DOCK4: variants seen among roughly 807,000 people sequenced by gnomAD.
DOCK4 encodes dedicator of cytokinesis 4.
In DOCK4, 97 loss-of-function variants were observed where a neutral mutation model predicts 268.1. The ratio of observed to expected loss-of-function variants is 0.36; its 90% CI spans 0.31 to 0.43. The LOEUF (loss-of-function observed/expected upper bound fraction) is 0.43. Among genes scored for constraint, DOCK4 ranks in the 20% least tolerant of loss-of-function variants. DOCK4 has a pLI of 1.00. For missense variants in DOCK4, 2,145 were observed against 2,455.7 expected, an observed-to-expected ratio of 0.87 and a Z score of 2.67; for synonymous variants, 954 against 887.2, an observed-to-expected ratio of 1.08 and a Z score of -1.34.
rs1246680208 is a variant in DOCK4 at position 111,823,310 on chromosome 7, C to T, written c.2836-854G>A. Among the ~76,000 whole-genome samples, 4 of 150,108 alleles carry T rather than the reference C, an allele frequency of 2.7e-5. No homozygotes were observed. In the East Asian group the frequency reaches 7.8e-4, roughly 29 times the overall value. On this transcript the variant is annotated intron_variant, in intron 26 of 52. Coordinates refer to ENST00000428084, the MANE Select transcript of DOCK4 (RefSeq NM_001363540.2). ...CAACCTCCACCTCCCGGGTTCAAGC[C>T]ATTCTCCTGCCTCAGCCTCCCGAGT...
At chr7:112,109,504 G>A (rs969263655) in intron 1 of DOCK4, among the ~76,000 whole-genome samples, 3 of 152,180 alleles carry the variant, frequency 2.0e-5, no homozygotes, top group Non-Finnish European at 4.4e-5. Context: ...TCACATAAAT[G>A]CAACTAGCTT....
intron 1 of DOCK4, among the ~76,000 whole-genome samples, chr7:112,199,966 C>G (rs1014447444): frequency 3.3e-5 from 5 of 152,180 alleles, no homozygotes; most frequent in Non-Finnish European, 4.4e-5. Flanking sequence ...CAGACTTTGA[C>G]TTAGACTGAA....
intron 7 of DOCK4, 68 bp downstream of exon 7, chr7:111,984,238 G>C: frequency 7.4e-7 from 1 of 1,354,768 alleles, no homozygotes; most frequent in African/African-American, 1.5e-5. Flanking sequence ...AATCAAGCAA[G>C]TATGAGGAGT....
chr7:112,160,230 C>G (rs973682459), intron 1 of DOCK4, among the ~76,000 whole-genome samples: 6 of 152,110 alleles, frequency 3.9e-5, no homozygotes, highest in Admixed American at 1.3e-4. Context: ...AACAGAGGCT[C>G]CTGCTTTACC....
chr7:111,739,080 A>G, intron 49 of DOCK4, 54 bp downstream of exon 49: 5 of 1,487,436 alleles, frequency 3.4e-6, no homozygotes, highest in Non-Finnish European at 4.7e-6. Flanking sequence ...AGAGATAGGT[A>G]AGCAATTCCA....
At chr7:112,196,641 C>T (rs1820473155) in intron 1 of DOCK4, among the ~76,000 whole-genome samples, 1 of 152,114 alleles carries the variant, frequency 6.6e-6, no homozygotes, top group African/African-American at 2.4e-5. Context: ...AAGCTGGTGA[C>T]AGAGAGTGGG....
At chr7:111,780,956 G>T (rs957618765) in intron 35 of DOCK4, among the ~76,000 whole-genome samples, 1 of 152,004 alleles carries the variant, frequency 6.6e-6, no homozygotes, top group Admixed American at 6.6e-5. Context: ...AAGCTATCAG[G>T]ATAATGTCTC....
chr7:111,823,686 A>C (rs1461281499), intron 26 of DOCK4, among the ~76,000 whole-genome samples: 3 of 152,200 alleles, frequency 2.0e-5, no homozygotes, highest in African/African-American at 4.8e-5. Flanking sequence ...AGAAAACTTA[A>C]AGAGTTTTTG....
chr7:111,732,592 C>G (rs1301354093), intron 51 of DOCK4: 3 of 391,950 alleles, frequency 7.7e-6, no homozygotes, highest in Non-Finnish European at 1.4e-5. Context: ...AGTCCAGGTG[C>G]TTCTGCACTG....
intron 30 of DOCK4, among the ~76,000 whole-genome samples, chr7:111,797,829 A>C (rs1477266928): frequency 1.3e-5 from 2 of 152,096 alleles, no homozygotes; most frequent in East Asian, 3.9e-4. Context: ...ATAGAATACA[A>C]CCCCTTACCC....
At chr7:111,926,687 G>A (rs959721608) in intron 12 of DOCK4, among the ~76,000 whole-genome samples, 3 of 150,934 alleles carry the variant, frequency 2.0e-5, no homozygotes, top group Admixed American at 6.6e-5. Flanking sequence ...AAATAAATAA[G>A]CCAAGCGTGG....
intron 12 of DOCK4, among the ~76,000 whole-genome samples, chr7:111,927,961 C>T (rs186078576): frequency 1.3e-5 from 2 of 152,282 alleles, no homozygotes; most frequent in Admixed American, 1.3e-4. Flanking sequence ...AATAAACAGG[C>T]CTTCCTAAGT....
At chr7:111,970,009 T>C (rs1389616161) in intron 8 of DOCK4, among the ~76,000 whole-genome samples, 1 of 152,236 alleles carries the variant, frequency 6.6e-6, no homozygotes, top group African/African-American at 2.4e-5. Flanking sequence ...ATCTGTTTCC[T>C]GATGCCTCCT....
chr7:112,000,659 T>C (rs549296942), intron 2 of DOCK4, 125 bp from the exon 3 acceptor site: 53 of 619,742 alleles, frequency 8.6e-5, no homozygotes, highest in Middle Eastern at 7.6e-4. Context: ...TGGATAAATA[T>C]GGTAGGTATT....
chr7:111,767,586 T>C (rs1797844895), intron 37 of DOCK4, among the ~76,000 whole-genome samples: 1 of 152,158 alleles, frequency 6.6e-6, no homozygotes, highest in Non-Finnish European at 1.5e-5. Context: ...GTAATTGAAA[T>C]GTAAATTATT....
intron 1 of DOCK4, among the ~76,000 whole-genome samples, chr7:112,072,240 ATC>A (rs1807658490): frequency 6.6e-6 from 1 of 151,866 alleles, no homozygotes; most frequent in African/African-American, 2.4e-5. Context: ...TGGAAAAAAA[ATC>A]TATCTATAAC....
Position 112,107,733 on chromosome 7 carries a change from G to C in DOCK4, c.37+98369C>G, listed in dbSNP as rs548205521. On this transcript the variant is annotated intron_variant, in intron 1 of 52. Transcript: ENST00000428084. Reference sequence around the variant, plus strand: ...CCCTAGAGATGCGTAGAATTCTGAAGAGTGAAGGTCAGGGAAGAACAGAAA... The same window carrying C: ...CCCTAGAGATGCGTAGAATTCTGAACAGTGAAGGTCAGGGAAGAACAGAAA... Among the ~76,000 whole-genome samples the C allele has an allele frequency of 9.2e-5, 14 of 152,320 alleles. No individual in the cohort carries two copies. The East Asian group carries it at 2.5e-3, about 27-fold the overall frequency.
Position 111,975,990 on chromosome 7 carries a change from C to T in DOCK4, c.701+1142G>A, listed in dbSNP as rs184993533. Among the ~76,000 whole-genome samples the T allele has an allele frequency of 5.1e-4, 77 of 149,670 alleles. 1 individual carries two copies. Among genetic ancestry groups the T allele is most frequent in the Admixed American group, 2.5e-3 (37 of 14,988 alleles). ...ACCAGCCTGGCCAACATGGTGAAACCGCATCTCTACTAAAAATACAAAAAT... is the reference window on the plus strand; with the variant it reads ...ACCAGCCTGGCCAACATGGTGAAACTGCATCTCTACTAAAAATACAAAAAT... On this transcript the variant is annotated intron_variant, in intron 8 of 52. Coordinates refer to ENST00000428084, the MANE Select transcript of DOCK4 (RefSeq NM_001363540.2).
At position 111,809,313 on chromosome 7, in the gene DOCK4, T is replaced by C. The variant is rs868549950; in HGVS notation, c.3095A>G (p.Lys1032Arg). The C allele has an allele frequency of 6.4e-7, 1 of 1,556,448 alleles. No individual in the cohort carries two copies. The highest frequency in any genetic ancestry group is 8.7e-7 in the Non-Finnish European group (1 of 1,148,180). ...CACTGATACTTACTTTTCTAACACC[T>C]TTTTCTTCTTGGAAGGTGTGAACAT... ...LEMFTPSKKKKVLEKYGDMRV... is the reference protein window; with the variant it reads ...LEMFTPSKKKRVLEKYGDMRV... Residue 1032 changes from lysine to arginine, a missense_variant, in exon 29 of 53, where the codon AAG becomes AGG. Lys to Arg is a conservative substitution (Grantham distance 26). Transcript: ENST00000428084.
Sources: allele counts gnomAD v4.1 joint callset (sites outside exome capture counted in the v4.1 genomes callset), GRCh38; gene constraint gnomAD v4.1.1; transcripts MANE v1.5; gene names NCBI Gene and HGNC (gene_info 2026-07-23, HGNC 2026-07-21).